DENND3: variants seen among roughly 807,000 people sequenced by gnomAD.
DENND3 encodes the protein DENN domain containing 3, also known as DENN domain-containing protein 3.
DENND3 carries 88 observed loss-of-function variants against 135.1 expected under a neutral mutation model. The ratio of observed to expected loss-of-function variants is 0.65; its 90% CI spans 0.55 to 0.78. The LOEUF is 0.78. Among genes scored for constraint, DENND3 ranks in the 30% least tolerant of loss-of-function variants. The pLI is 0.00. For missense variants in DENND3, 1,392 were observed against 1,688.4 expected, an observed-to-expected ratio of 0.82 and a Z score of 3.08; for synonymous variants, 693 against 712.3, an observed-to-expected ratio of 0.97 and a Z score of 0.43.
At chr8:141,185,092 A>G in intron 17 of DENND3, 47 bp from the exon 18 acceptor site, 2 of 1,581,892 alleles carry the variant, frequency 1.3e-6, no homozygotes, top group Non-Finnish European at 1.7e-6. Flanking sequence ...CTGCTGCTAC[A>G]GCAGAAGTGT....
chr8:141,143,974 G>T, intron 4 of DENND3, 174 bp from the exon 5 acceptor site: 1 of 558,902 alleles, frequency 1.8e-6, no homozygotes, highest in Non-Finnish European at 3.1e-6. Flanking sequence ...CACTACCGCA[G>T]ACCTGGGGCC....
intron 18 of DENND3, chr8:141,188,757 T>C (rs369391930): frequency 2.1e-5 from 11 of 534,270 alleles, no homozygotes; most frequent in Non-Finnish European, 3.5e-5. Flanking sequence ...GAATCAATCA[T>C]ACGTAGTCAA....
chr8:141,142,604 C>T, intron 4 of DENND3: 1 of 322,974 alleles, frequency 3.1e-6, no homozygotes, highest in Non-Finnish European at 6.1e-6. Flanking sequence ...TCGTTGAGAA[C>T]AGAGAGGTGA....
At chr8:141,186,120 T>A (rs1449094813) in intron 18 of DENND3, among the ~76,000 whole-genome samples, 1 of 151,934 alleles carries the variant, frequency 6.6e-6, no homozygotes, top group African/African-American at 2.4e-5. Context: ...GTATTTTTTG[T>A]AGAGATGAGG....
At chr8:141,191,985 G>A (rs886256367) in intron 20 of DENND3, 6 of 192,284 alleles carry the variant, frequency 3.1e-5, no homozygotes, top group Non-Finnish European at 6.4e-5. Context: ...CTGCTTCATG[G>A]ATAGGGTAAG....
chr8:141,151,781 G>A lies in DENND3; in HGVS notation c.1018G>A (p.Ala340Thr). The A allele has an allele frequency of 6.2e-7, 1 of 1,614,210 alleles. No individual in the cohort carries two copies. The highest frequency in any genetic ancestry group is 8.5e-7 in the Non-Finnish European group (1 of 1,180,032). Residue 340 changes from alanine to threonine, a missense_variant, in exon 7 of 23, where the codon GCC becomes ACC. Physicochemically the swap from Ala to Thr is moderately conservative, Grantham distance 58. Coordinates refer to ENST00000519811, the MANE Select transcript of DENND3 (RefSeq NM_001352890.3). ...GGACCAGATGCTGGATTTCGTCATG[G>A]CCCCCACGTCCTTCCTGATGGGCTG... is the stretch of plus-strand genomic sequence containing the variant. ...LSDQMLDFVM[A>T]PTSFLMGCHL...
Position 141,128,818 on chromosome 8 carries a change from C to A in DENND3, c.102+9C>A. The A allele has an allele frequency of 7.2e-7, 1 of 1,396,410 alleles. No individual in the cohort carries two copies. The highest frequency in any genetic ancestry group is 9.4e-7 in the Non-Finnish European group (1 of 1,069,114). 86.5% of individuals were successfully genotyped at this position (1,396,410 alleles called of 1,614,324 possible). ...TCCGAAGTCTCGAGCAGGTGAGGGGCGGGGAAACTGAGGCGGACGTGGGCC... is the reference window on the plus strand; with the variant it reads ...TCCGAAGTCTCGAGCAGGTGAGGGGAGGGGAAACTGAGGCGGACGTGGGCC... On this transcript the variant is annotated intron_variant, in intron 1 of 22. Transcript: ENST00000519811. The surrounding 1 kb of genome is among the most constrained non-coding windows in gnomAD (Gnocchi z 4.5).
At chr8:141,155,591 G>C (rs1431777268) in intron 7 of DENND3, among the ~76,000 whole-genome samples, 2 of 151,894 alleles carry the variant, frequency 1.3e-5, no homozygotes, top group Non-Finnish European at 2.9e-5. Context: ...ATTTTTTGTA[G>C]AGACAGGGTC....
At chr8:141,184,850 A>T in intron 17 of DENND3, 1 of 296,012 alleles carries the variant, frequency 3.4e-6, no homozygotes, top group Non-Finnish European at 6.4e-6. Flanking sequence ...GTGAATGCTC[A>T]CTCAGCTGGC....
rs1432000985 is a variant in DENND3 at position 141,154,565 on chromosome 8, CT to C, written c.1075-1272del. Among the ~76,000 whole-genome samples the C allele has an allele frequency of 1.4e-3, 200 of 142,036 alleles. No individual in the cohort carries two copies. Among genetic ancestry groups the C allele is most frequent in the Admixed American group, 1.5e-3 (22 of 14,206 alleles). The allele number at this position is 142,036 out of a possible 152,430, so 93.2% of individuals were successfully genotyped here. On this transcript the variant is annotated intron_variant, in intron 7 of 22. Transcript: ENST00000519811. The surrounding 1 kb of genome is among the most constrained non-coding windows in gnomAD (Gnocchi z 4.4). ...ACATGTATTGGAATCTTTTTTTTTT[CT>C]TTTTTTTTTTTGTGAGATGGAGTTT...
rs307766 is a variant in DENND3, at chr8:141,141,614, C to T, written c.623+290C>T. The T allele has an allele frequency of 0.8, 316,983 of 396,124 alleles. 128,189 individuals are homozygous for T. Among genetic ancestry groups the T allele is most frequent in the East Asian group, 0.98 (20,044 of 20,430 alleles). The allele number at this position is 396,124 out of a possible 1,614,324, so 24.5% of individuals were successfully genotyped here. On this transcript the variant is annotated intron_variant, in intron 4 of 22. Transcript: ENST00000519811. The surrounding 1 kb of genome is among the most constrained non-coding windows in gnomAD (Gnocchi z 5.3). Reference sequence around the variant, plus strand: ...TAGGAAAGGGATGAAGCCACACTGTCGGAAGTAAGGTTGATGTTCAGGATT... The same window carrying T: ...TAGGAAAGGGATGAAGCCACACTGTTGGAAGTAAGGTTGATGTTCAGGATT...
chr8:141,170,978 G>A (rs1375427603), intron 13 of DENND3, among the ~76,000 whole-genome samples: 3 of 152,102 alleles, frequency 2.0e-5, no homozygotes, highest in Non-Finnish European at 4.4e-5. Context: ...GGGCAGAATC[G>A]TGTCATGTGG....
intron 10 of DENND3, 90 bp from the exon 11 acceptor site, chr8:141,165,096 C>T (rs536329519): frequency 3.2e-6 from 3 of 927,202 alleles, no homozygotes; most frequent in East Asian, 4.9e-5. Flanking sequence ...GTGGTGATGC[C>T]CAGTTCTGTG....
Position 141,165,264 on chromosome 8 carries a change from C to T in DENND3, c.1528C>T (p.Leu510Phe). The T allele has an allele frequency of 6.2e-7, 1 of 1,614,142 alleles. No individual in the cohort carries two copies. Among genetic ancestry groups the T allele is most frequent in the Non-Finnish European group, 8.5e-7 (1 of 1,179,978 alleles). The stretch of plus-strand genomic sequence containing the variant: ...GATGGACGCCTTTGCTCAGATGGAC[C>T]TCGACACCCAGTCGGAGGAGGACAG... ...RRMDAFAQMD[L>F]DTQSEEDRIN... The change falls in exon 11 of 23, where the codon CTC becomes TTC. Residue 510 changes from leucine to phenylalanine, a missense_variant. Transcript: ENST00000519811.
chr8:141,157,495 C>T, intron 8 of DENND3: 1 of 985,656 alleles, frequency 1.0e-6, no homozygotes, highest in Non-Finnish European at 1.2e-6. Flanking sequence ...GGAGGTGACG[C>T]TGGAGGGAGG....
intron 19 of DENND3, 54 bp from the exon 20 acceptor site, chr8:141,190,230 C>G (rs1006972915): frequency 7.4e-6 from 11 of 1,492,618 alleles, no homozygotes; most frequent in Non-Finnish European, 9.8e-6. Flanking sequence ...AAAATGTGCA[C>G]AGTGTTTTCA....
intron 8 of DENND3, among the ~76,000 whole-genome samples, chr8:141,159,588 T>G (rs1206428490): frequency 6.6e-6 from 1 of 152,228 alleles, no homozygotes; most frequent in East Asian, 1.9e-4. Flanking sequence ...CCCACTCACA[T>G]GGAAGTGCCA....
intron 7 of DENND3, among the ~76,000 whole-genome samples, chr8:141,152,963 G>C (rs1333811994): frequency 6.6e-6 from 1 of 152,094 alleles, no homozygotes; most frequent in Non-Finnish European, 1.5e-5. Context: ...GTGAGGAGGA[G>C]CTGGTATCTC....
At chr8:141,165,075 ACTGG>A in intron 10 of DENND3, 107 bp from the exon 11 acceptor site, 1 of 731,538 alleles carries the variant, frequency 1.4e-6, no homozygotes, top group Non-Finnish European at 2.4e-6. Context: ...GTCAATATCC[ACTGG>A]GTGTGAGTGG....
Sources: gnomAD v4.1 joint callset for allele counts (sites outside exome capture counted in the v4.1 genomes callset) on GRCh38, gnomAD v4.1.1 for gene constraint, Gnocchi (gnomAD v3.1) non-coding constraint, MANE v1.5 for transcripts, NCBI Gene and HGNC (gene_info 2026-07-23, HGNC 2026-07-21) for gene names.